F2RL1: variants seen among roughly 807,000 people sequenced by gnomAD.
F2RL1 encodes the protein F2R like trypsin receptor 1, also known as proteinase-activated receptor 2.
F2RL1 carries 16 observed loss-of-function variants against 21.7 expected under a neutral mutation model. The ratio of observed to expected loss-of-function variants is 0.74; its 90% confidence interval spans 0.50 to 1.12. F2RL1 has a LOEUF of 1.12. F2RL1 is among the 50% of genes most tolerant of loss of function. The pLI, the probability that F2RL1 is intolerant of heterozygous loss-of-function variation, is 0.00. For synonymous variants in F2RL1, 181 were observed against 186.7 expected, an observed-to-expected ratio of 0.97 and a Z score of 0.25; for missense variants, 432 against 477.8, an observed-to-expected ratio of 0.90 and a Z score of 0.89.
chr5:76,826,809 T>A (rs1415171536), intron 1 of F2RL1, among the ~76,000 whole-genome samples: 2 of 152,170 alleles, frequency 1.3e-5, no homozygotes, highest in Non-Finnish European at 2.9e-5. Flanking sequence ...TTCCATTGTA[T>A]GGATATACTG....
chr5:76,826,078 A>C (rs1413811663), intron 1 of F2RL1, among the ~76,000 whole-genome samples: 2 of 152,090 alleles, frequency 1.3e-5, no homozygotes, highest in Non-Finnish European at 2.9e-5. Context: ...ACTGTTGGCT[A>C]ATCTTGTTTC....
At chr5:76,827,862 G>A (rs1750273388) in intron 1 of F2RL1, among the ~76,000 whole-genome samples, 1 of 152,090 alleles carries the variant, frequency 6.6e-6, no homozygotes, top group African/African-American at 2.4e-5. Flanking sequence ...CTCCCAAATT[G>A]CTGGGATTAC....
intron 1 of F2RL1, among the ~76,000 whole-genome samples, chr5:76,821,341 C>T (rs1171408264): frequency 4.6e-5 from 7 of 152,180 alleles, no homozygotes; most frequent in Admixed American, 3.3e-4. Flanking sequence ...CTTTCCATCA[C>T]GTCTAGCATA....
intron 1 of F2RL1, among the ~76,000 whole-genome samples, chr5:76,822,362 C>T (rs1411476941): frequency 2.0e-5 from 3 of 152,078 alleles, no homozygotes; most frequent in Admixed American, 6.6e-5. Context: ...GGACTACAGG[C>T]GCACACCACC....
intron 1 of F2RL1, among the ~76,000 whole-genome samples, chr5:76,827,325 C>CAAAAAAAA (rs764040748): frequency 4.1e-3 from 355 of 87,414 alleles, no homozygotes; most frequent in African/African-American, 8.1e-3. Flanking sequence ...ACTAAAAATA[C>CAAAAAAAA]AAAAAAAAAA....
intron 1 of F2RL1, among the ~76,000 whole-genome samples, chr5:76,822,043 C>T (rs553753358): frequency 9.9e-5 from 15 of 152,176 alleles, no homozygotes; most frequent in Admixed American, 5.9e-4. Flanking sequence ...TTATTACATC[C>T]ATGCACAAAA....
At position 76,824,606 on chromosome 5, in the gene F2RL1, C is replaced by G. The variant is rs1750206213; in HGVS notation, c.82+5342C>G. On this transcript the variant is annotated intron_variant, in intron 1 of 1. Coordinates refer to ENST00000296677, the MANE Select transcript of F2RL1 (RefSeq NM_005242.6). ...CCTCCCAAAGTGCTGGGTTTACAGG[C>G]GTGAGCCACCCTGCCAGGGCCTGAA... Among the ~76,000 whole-genome samples, 7 of 151,470 alleles carry G rather than the reference C, an allele frequency of 4.6e-5. No individual in the cohort carries two copies. In the South Asian group the frequency reaches 1.5e-3, roughly 32 times the overall value.
chr5:76,823,229 C>CAA lies in F2RL1; in HGVS notation c.82+3978_82+3979dup, dbSNP rs70982641. ...GGGGCAACAGAGTGAGACTCAGTCT[C>CAA]AAAAAAAAAAAAAAGTTTTACACGC... On this transcript the variant is annotated intron_variant, in intron 1 of 1. Coordinates refer to ENST00000296677, the MANE Select transcript of F2RL1 (RefSeq NM_005242.6). Among the ~76,000 whole-genome samples the CAA allele has an allele frequency of 3.2e-3, 447 of 138,902 alleles. 5 individuals are homozygous for CAA. In the Middle Eastern group the frequency reaches 0.041, roughly 13 times the overall value. The allele number at this position is 138,902 out of a possible 152,430, so 91.1% of individuals were successfully genotyped here.
rs1750409658 is a variant in F2RL1, at chr5:76,833,927, C to T, written c.*126C>T. ...CATACCATGTGGATGCAGCACCTCTCAGGATTGCTAGGAGCTCCCCTGTTT... is the reference window on the plus strand; with the variant it reads ...CATACCATGTGGATGCAGCACCTCTTAGGATTGCTAGGAGCTCCCCTGTTT... On this transcript the variant is annotated 3_prime_UTR_variant, in exon 2 of 2. Coordinates refer to ENST00000296677, the MANE Select transcript of F2RL1 (RefSeq NM_005242.6). 5 of 1,026,674 alleles carry T rather than the reference C, an allele frequency of 4.9e-6. No individual in the cohort carries two copies. Among genetic ancestry groups the T allele is most frequent in the Non-Finnish European group, 7.1e-6 (5 of 707,298 alleles). 63.6% of individuals were successfully genotyped at this position (1,026,674 alleles called of 1,614,324 possible). A position where few individuals can be genotyped will look rare whatever the true frequency, so the allele number is the denominator to read the frequency against.
rs1580930553 is a variant in F2RL1, at chr5:76,822,467, C to G, written c.82+3203C>G. On this transcript the variant is annotated intron_variant, in intron 1 of 1. Transcript: ENST00000296677. The stretch of plus-strand genomic sequence containing the variant: ...TCCTGACCTCAAGTGATCCACCTGC[C>G]TCAGCCTCCCAAAGTGCTGGGATTA... Among the ~76,000 whole-genome samples, 2 of 152,110 alleles carry G rather than the reference C, an allele frequency of 1.3e-5. 1 individual carries two copies. Among genetic ancestry groups the G allele is most frequent in the East Asian group, 3.9e-4 (2 of 5,186 alleles).
At chr5:76,825,076 G>A (rs930481251) in intron 1 of F2RL1, among the ~76,000 whole-genome samples, 49 of 148,124 alleles carry the variant, frequency 3.3e-4, no homozygotes, top group African/African-American at 1.2e-3. Flanking sequence ...GCATGATCTC[G>A]GCTCACTGCA....
At chr5:76,830,412 G>C (rs1398275704) in intron 1 of F2RL1, among the ~76,000 whole-genome samples, 2 of 152,162 alleles carry the variant, frequency 1.3e-5, no homozygotes, top group African/African-American at 4.8e-5. Flanking sequence ...CAAGTAGCTA[G>C]AACTACAGGC....
At chr5:76,819,359 C>A in intron 1 of F2RL1, 95 bp downstream of exon 1, 1 of 1,037,834 alleles carries the variant, frequency 9.6e-7, no homozygotes, top group Non-Finnish European at 1.4e-6. Flanking sequence ...TGTGCGAAGG[C>A]TGTTCTGCTG....
intron 1 of F2RL1, among the ~76,000 whole-genome samples, chr5:76,824,166 C>CT (rs1750197417): frequency 1.4e-5 from 2 of 146,620 alleles, no homozygotes; most frequent in African/African-American, 2.5e-5. Flanking sequence ...CACACCCCCC[C>CT]CCCCTTTTTT....
rs558754309 is a variant in F2RL1 at position 76,822,106 on chromosome 5, G to A, written c.82+2842G>A. ...TTTGTGCAAGTATGGGATTATATAA[G>A]CACATCAGTATCATGTCAATACATA... On this transcript the variant is annotated intron_variant, in intron 1 of 1. Coordinates refer to ENST00000296677, the MANE Select transcript of F2RL1 (RefSeq NM_005242.6). Among the ~76,000 whole-genome samples, 15 of 152,282 alleles carry A rather than the reference G, an allele frequency of 9.9e-5. No individual in the cohort carries two copies. In the East Asian group the frequency reaches 2.9e-3, roughly 29 times the overall value.
rs909859666 is a variant in F2RL1 at position 76,833,992 on chromosome 5, G to A, written c.*191G>A. 14 of 573,886 alleles carry A rather than the reference G, an allele frequency of 2.4e-5. No homozygotes were observed. The highest frequency in any genetic ancestry group is 3.6e-5 in the Non-Finnish European group (12 of 333,582). The allele number at this position is 573,886 out of a possible 1,614,324, so 35.5% of individuals were successfully genotyped here. Reference sequence around the variant, plus strand: ...GTCCCCCAAATTAACATCAGTGTCTGTTTCAGAATCTCTCTACTCAGATGA... The same window carrying A: ...GTCCCCCAAATTAACATCAGTGTCTATTTCAGAATCTCTCTACTCAGATGA... On this transcript the variant is annotated 3_prime_UTR_variant, in exon 2 of 2. Transcript: ENST00000296677.
rs544140217 is a variant in F2RL1, at chr5:76,830,372, G to A, written c.83-2318G>A. On this transcript the variant is annotated intron_variant, in intron 1 of 1. Transcript: ENST00000296677. ...GGCTCACTGCAACCTCCGCCTCCCA[G>A]GTTCAAGCAATTCTCCTGCCTCAGC... 5.9e-5 allele frequency among the ~76,000 whole-genome samples: 9 copies of A among 152,308 alleles called. No individual in the cohort carries two copies. The South Asian group carries it at 1.7e-3, about 28-fold the overall frequency.
chr5:76,824,834 TTA>T (rs924782875), intron 1 of F2RL1, among the ~76,000 whole-genome samples: 7 of 152,236 alleles, frequency 4.6e-5, no homozygotes, highest in African/African-American at 1.7e-4. Flanking sequence ...ACCAAAAATA[TTA>T]TATCAATTTA....
In F2RL1 at chr5:76,833,327, C is replaced by G. The variant is rs771528619; in HGVS notation, c.720C>G (p.Phe240Leu). ...LPEQLLVGDMFNYFLSLAIGV... is the reference protein window; with the variant it reads ...LPEQLLVGDMLNYFLSLAIGV... ...AGCAGCTCTTGGTGGGAGACATGTTCAATTACTTCCTCTCTCTGGCCATTG... is the reference window on the plus strand; with the variant it reads ...AGCAGCTCTTGGTGGGAGACATGTTGAATTACTTCCTCTCTCTGGCCATTG... The change falls in exon 2 of 2, where the codon TTC (phenylalanine) becomes TTG (leucine). Residue 240 changes from phenylalanine to leucine, a missense_variant. Transcript: ENST00000296677. 42 of 1,613,708 alleles carry G rather than the reference C, an allele frequency of 2.6e-5. No individual in the cohort carries two copies. The highest frequency in any genetic ancestry group is 1.7e-6 in the Non-Finnish European group (2 of 1,179,990).
Sources: gnomAD v4.1 joint callset for allele counts (sites outside exome capture counted in the v4.1 genomes callset) on GRCh38, gnomAD v4.1.1 for gene constraint, MANE v1.5 for transcripts, NCBI Gene and HGNC (gene_info 2026-07-23, HGNC 2026-07-21) for gene names.